Variants in USP16 observed in about 807,000 individuals in gnomAD.
USP16 encodes ubiquitin specific peptidase 16, also known as ubiquitin carboxyl-terminal hydrolase 16.
In USP16, 77 loss-of-function variants were observed where a neutral mutation model predicts 95.9. The observed-to-expected ratio is 0.80, with a 90% confidence interval of 0.67 to 0.97. The LOEUF (loss-of-function observed/expected upper bound fraction) is 0.97. Ranked by LOEUF, USP16 falls within the 50% of genes least tolerant of loss-of-function variation. USP16 has a pLI of 0.00. For synonymous variants in USP16, 303 were observed against 318.2 expected (o/e 0.95, Z 0.51); for missense variants, 943 against 959.9 (o/e 0.98, Z 0.23).
At chr21:29,030,140 C>G (rs1306971336) in intron 2 of USP16, among the ~76,000 whole-genome samples, 1 of 151,924 alleles carries the variant, frequency 6.6e-6, no homozygotes, top group East Asian at 1.9e-4. Context: ...GCCTTTCCTT[C>G]CAGAATGTGA....
intron 6 of USP16, among the ~76,000 whole-genome samples, chr21:29,037,690 G>A (rs1332545201): frequency 6.8e-6 from 1 of 148,060 alleles, no homozygotes; most frequent in Non-Finnish European, 1.5e-5. Flanking sequence ...GGCTCAAGCA[G>A]TCCTCCTACC....
Position 29,039,163 on chromosome 21 carries a change from A to T in USP16, c.863+7A>T. 1 of 1,509,182 alleles carries T rather than the reference A, an allele frequency of 6.6e-7. No individual in the cohort carries two copies. Among genetic ancestry groups the T allele is most frequent in the Non-Finnish European group, 8.9e-7 (1 of 1,125,936 alleles). 93.5% of individuals were successfully genotyped at this position (1,509,182 alleles called of 1,614,324 possible). ...TTTCTCAGGTCTGTAAAAAGTGAGT[A>T]TCCACTTCGATTGTGCTTTCAGTGC... On this transcript the variant is annotated splice_region_variant and intron_variant, in intron 8 of 17. Coordinates refer to ENST00000399976, the MANE Select transcript of USP16 (RefSeq NM_006447.3).
Position 29,054,100 on chromosome 21 carries a change from C to T in USP16, c.2385C>T (p.His795=), listed in dbSNP as rs752544646. 1.9e-6 allele frequency: 3 copies of T among 1,614,142 alleles called. No homozygotes were observed. The highest frequency in any genetic ancestry group is 2.5e-6 in the Non-Finnish European group (3 of 1,180,050). Reference sequence around the variant, plus strand: ...TGGAATCAAAAGGGCAGTGGTTTCACATCAGCGACACACATGTGCAAGCTG... The same window carrying T: ...TGGAATCAAAAGGGCAGTGGTTTCATATCAGCGACACACATGTGCAAGCTG... The part of the protein sequence containing the change: ...FEMESKGQWF[H]ISDTHVQAVP... Residue 795 remains histidine (H), a synonymous_variant, in exon 18 of 18, where the codon CAC becomes CAT. Coordinates refer to ENST00000399976, the MANE Select transcript of USP16 (RefSeq NM_006447.3).
rs539205508 is a variant in USP16 at position 29,040,723 on chromosome 21, T to G, written c.1030+36T>G. ...ACTTTTTGAACTAAAACACTATAGT[T>G]GAATTCCTCTGTACCTTAGGACAAG... On this transcript the variant is annotated intron_variant, in intron 10 of 17. Transcript: ENST00000399976. 2.6e-6 allele frequency: 3 copies of G among 1,148,418 alleles called. No individual in the cohort carries two copies. The African/African-American group carries it at 4.7e-5, about 18-fold the overall frequency. The allele number at this position is 1,148,418 out of a possible 1,614,324, so 71.1% of individuals were successfully genotyped here. A position where few individuals can be genotyped will look rare whatever the true frequency, so the allele number is the denominator to read the frequency against.
intron 4 of USP16, among the ~76,000 whole-genome samples, chr21:29,035,674 T>C (rs900481099): frequency 6.6e-6 from 1 of 152,102 alleles, no homozygotes; most frequent in African/African-American, 2.4e-5. Context: ...TGAGCCACCG[T>C]GCCTGGCTTG....
In USP16 at chr21:29,054,077, G is replaced by C. The variant is rs142203110; in HGVS notation, c.2362G>C (p.Glu788Gln). The C allele has an allele frequency of 5.6e-5, 90 of 1,614,158 alleles. No individual in the cohort carries two copies. The highest frequency in any genetic ancestry group is 7.3e-5 in the Non-Finnish European group (86 of 1,180,000). ...HGDIPQDFEM[E>Q]SKGQWFHISD... ...TTTTCTCATGACAGATTTTGAAATG[G>C]AATCAAAAGGGCAGTGGTTTCACAT... The change falls in exon 18 of 18, where the codon GAA becomes CAA. Residue 788 changes from glutamate to glutamine, a missense_variant. Physicochemically the swap from Glu to Gln is conservative, Grantham distance 29. Coordinates refer to ENST00000399976, the MANE Select transcript of USP16 (RefSeq NM_006447.3).
chr21:29,038,236 GT>G (rs2085191350), intron 6 of USP16, 98 bp from the exon 7 acceptor site: 1 of 738,018 alleles, frequency 1.4e-6, no homozygotes, highest in African/African-American at 1.8e-5. Flanking sequence ...TTCAGTGTTG[GT>G]CATGATTTTC....
rs1426422393 is a variant in USP16, at chr21:29,035,812, G to C, written c.345-459G>C. ...TGGGTGCCTGTAGTCCCAGCTACTCGGGAGGCTGAGGTAGGAGAATGGCAT... is the reference window on the plus strand; with the variant it reads ...TGGGTGCCTGTAGTCCCAGCTACTCCGGAGGCTGAGGTAGGAGAATGGCAT... On this transcript the variant is annotated intron_variant, in intron 4 of 17. Coordinates refer to ENST00000399976, the MANE Select transcript of USP16 (RefSeq NM_006447.3). Among the ~76,000 whole-genome samples the C allele has an allele frequency of 2.6e-5, 4 of 151,978 alleles. No individual in the cohort carries two copies. The East Asian group carries it at 7.8e-4, about 30-fold the overall frequency.
chr21:29,048,745 T>A lies in USP16; in HGVS notation c.2012-16T>A. Reference sequence around the variant, plus strand: ...AAATGATTTTCTCCCTGTTAAAAATTTCTTCTTTTCTTTAGGTGAAAGGAA... The same window carrying A: ...AAATGATTTTCTCCCTGTTAAAAATATCTTCTTTTCTTTAGGTGAAAGGAA... On this transcript the variant is annotated splice_polypyrimidine_tract_variant and intron_variant, in intron 14 of 17. Coordinates refer to ENST00000399976, the MANE Select transcript of USP16 (RefSeq NM_006447.3). 1 of 1,603,900 alleles carries A rather than the reference T, an allele frequency of 6.2e-7. No individual in the cohort carries two copies. The highest frequency in any genetic ancestry group is 8.5e-7 in the Non-Finnish European group (1 of 1,173,330).
intron 1 of USP16, among the ~76,000 whole-genome samples, chr21:29,027,200 T>C (rs539605997): frequency 6.6e-6 from 1 of 152,240 alleles, no homozygotes; most frequent in Non-Finnish European, 1.5e-5. Context: ...AAGTGAAGAT[T>C]TGATGTGCAG....
At chr21:29,026,162 A>G (rs2084983311) in intron 1 of USP16, among the ~76,000 whole-genome samples, 1 of 152,204 alleles carries the variant, frequency 6.6e-6, no homozygotes, top group Admixed American at 6.5e-5. Flanking sequence ...GGAGTGGAGT[A>G]CAAGAGAAGG....
chr21:29,048,972 C>T, intron 15 of USP16, 117 bp downstream of exon 15: 1 of 790,534 alleles, frequency 1.3e-6, no homozygotes, highest in Admixed American at 2.8e-5. Flanking sequence ...TGTTTCTTAA[C>T]TGTAATGTCA....
At chr21:29,025,044 G>A (rs996972730) in intron 1 of USP16, among the ~76,000 whole-genome samples, 2 of 152,242 alleles carry the variant, frequency 1.3e-5, no homozygotes, top group African/African-American at 4.8e-5. Flanking sequence ...AGAAGGGGAG[G>A]AGAGGGAAGG....
chr21:29,036,039 G>A (rs755384261), intron 4 of USP16, among the ~76,000 whole-genome samples: 4 of 152,156 alleles, frequency 2.6e-5, no homozygotes, highest in Non-Finnish European at 5.9e-5. Context: ...AAAGTAAAAC[G>A]TTTGGAGTAT....
intron 16 of USP16, among the ~76,000 whole-genome samples, chr21:29,050,693 G>A (rs1333289778): frequency 2.6e-5 from 4 of 152,186 alleles, no homozygotes; most frequent in African/African-American, 7.2e-5. Context: ...GACTGGTAAC[G>A]TATGTAGTTC....
At chr21:29,026,831 C>T (rs1249545574) in intron 1 of USP16, among the ~76,000 whole-genome samples, 2 of 152,004 alleles carry the variant, frequency 1.3e-5, no homozygotes, top group Non-Finnish European at 1.5e-5. Context: ...ATCAAAAGCA[C>T]TATATAGTTA....
Position 29,048,853 on chromosome 21 carries a change from C to T in USP16, c.2104C>T (p.Gln702Ter). 2 of 1,610,898 alleles carry T rather than the reference C, an allele frequency of 1.2e-6. No individual in the cohort carries two copies. Among genetic ancestry groups the T allele is most frequent in the Middle Eastern group, 1.7e-4 (1 of 6,034 alleles). ...VLTLHLKRFQ[Q>*]AGFNLRKVNK... is the part of the protein sequence containing the mutation. The stretch of plus-strand genomic sequence containing the variant: ...TACTCTTCATTTAAAGAGATTTCAG[C>T]AGGTACTCCTTGTTACCCAAAATTT... Residue 702 changes from glutamine to a stop codon, truncating the protein, a stop_gained and splice_region_variant, in exon 15 of 18, where the codon CAG becomes TAG. Coordinates refer to ENST00000399976, the MANE Select transcript of USP16 (RefSeq NM_006447.3). LOFTEE classifies it high-confidence loss of function.
At chr21:29,049,000 A>C (rs2085373194) in intron 15 of USP16, 145 bp downstream of exon 15, 2 of 659,766 alleles carry the variant, frequency 3.0e-6, no homozygotes, top group Non-Finnish European at 5.0e-6. Flanking sequence ...CAGAAAGGGA[A>C]AAACATAGGG....
chr21:29,044,177 T>A (rs956398413), intron 13 of USP16, among the ~76,000 whole-genome samples: 1 of 151,970 alleles, frequency 6.6e-6, no homozygotes, highest in Non-Finnish European at 1.5e-5. Context: ...CAAGTGATCC[T>A]CCCTCCTCAG....
Sources: gnomAD v4.1 joint callset for allele counts (sites outside exome capture counted in the v4.1 genomes callset) on GRCh38, gnomAD v4.1.1 for gene constraint, MANE v1.5 for transcripts, NCBI Gene and HGNC (gene_info 2026-07-23, HGNC 2026-07-21) for gene names.